The following ADAMTS16 variants were observed in gnomAD, a reference collection of about 807,000 sequenced individuals.
ADAMTS16 encodes A disintegrin and metalloproteinase with thrombospondin motifs 16.
ADAMTS16 carries 94 observed loss-of-function variants against 145.8 expected under a neutral mutation model. The observed-to-expected ratio is 0.64, with a 90% CI of 0.55 to 0.77. ADAMTS16 has a LOEUF of 0.77. Ranked by LOEUF, ADAMTS16 falls within the 30% of genes least tolerant of loss-of-function variation. The pLI, the probability that ADAMTS16 is intolerant of heterozygous loss-of-function variation, is 0.00. For missense variants in ADAMTS16, 1,585 were observed against 1,591.5 expected (o/e 1.00, Z 0.07); for synonymous variants, 659 against 604.3 (o/e 1.09, Z -1.33).
intron 3 of ADAMTS16, among the ~76,000 whole-genome samples, chr5:5,149,979 ATGC>A (rs1376072351): frequency 6.6e-6 from 1 of 152,206 alleles, no homozygotes; most frequent in African/African-American, 2.4e-5. Flanking sequence ...ACTGCGAATA[ATGC>A]TGCTATGAAC....
chr5:5,146,416 C>T lies in ADAMTS16; in HGVS notation c.462C>T (p.His154=). The change falls in exon 3 of 23, where the codon CAC becomes CAT. Residue 154 remains histidine, a synonymous_variant. Coordinates refer to ENST00000274181, the MANE Select transcript of ADAMTS16 (RefSeq NM_139056.4). The part of the protein sequence containing the change: ...FCFYQGSLRS[H]RNSSVALSTC... ...TCTATCAAGGCTCTTTGCGATCACA[C>T]AGAAACTCCTCAGTGGCCCTTTCAA... The T allele has an allele frequency of 6.2e-7, 1 of 1,612,870 alleles. No individual in the cohort carries two copies. The highest frequency in any genetic ancestry group is 8.5e-7 in the Non-Finnish European group (1 of 1,179,974).
intron 11 of ADAMTS16, among the ~76,000 whole-genome samples, chr5:5,230,625 A>T (rs1235297245): frequency 1.3e-5 from 2 of 152,214 alleles, no homozygotes; most frequent in Non-Finnish European, 2.9e-5. Context: ...CTACTTGTGT[A>T]TATCTTTAAA....
chr5:5,239,381 GC>G, intron 15 of ADAMTS16, 107 bp downstream of exon 15: 3 of 1,449,164 alleles, frequency 2.1e-6, no homozygotes, highest in Non-Finnish European at 2.8e-6. Flanking sequence ...TCCTTCCGCT[GC>G]CTCGCTTCCT....
At chr5:5,180,307 C>G (rs1735306792) in intron 3 of ADAMTS16, among the ~76,000 whole-genome samples, 1 of 152,088 alleles carries the variant, frequency 6.6e-6, no homozygotes, top group Non-Finnish European at 1.5e-5. Context: ...TTGCAGAGCT[C>G]TAAATGATAC....
intron 17 of ADAMTS16, among the ~76,000 whole-genome samples, chr5:5,261,661 T>C (rs1206065830): frequency 1.3e-5 from 2 of 152,134 alleles, no homozygotes; most frequent in Non-Finnish European, 2.9e-5. Flanking sequence ...AATTTTTGTA[T>C]TTTTAGTAGA....
chr5:5,263,572 C>A (rs1179900592), intron 18 of ADAMTS16, among the ~76,000 whole-genome samples: 1 of 152,226 alleles, frequency 6.6e-6, no homozygotes, highest in Non-Finnish European at 1.5e-5. Context: ...CAAGTGAGTA[C>A]AGGATCCAGC....
At chr5:5,254,398 A>AT (rs942413452) in intron 17 of ADAMTS16, among the ~76,000 whole-genome samples, 4 of 151,942 alleles carry the variant, frequency 2.6e-5, no homozygotes, top group Non-Finnish European at 4.4e-5. Flanking sequence ...ACTTATAATA[A>AT]TTTTTTTTAT....
At chr5:5,225,025 A>G (rs77776986) in intron 11 of ADAMTS16, among the ~76,000 whole-genome samples, 25,763 of 145,536 alleles carry the variant, frequency 0.18, 2,676 homozygotes, top group East Asian at 0.49. Flanking sequence ...CCTTTGTACC[A>G]AAAAAAAACA....
chr5:5,156,767 A>C (rs2126520357), intron 3 of ADAMTS16, among the ~76,000 whole-genome samples: 1 of 152,294 alleles, frequency 6.6e-6, no homozygotes, highest in Non-Finnish European at 1.5e-5. Context: ...TTTCAGTCTA[A>C]GTTTGGCTAC....
chr5:5,254,187 A>G (rs898230249), intron 17 of ADAMTS16, among the ~76,000 whole-genome samples: 2 of 152,026 alleles, frequency 1.3e-5, no homozygotes, highest in Non-Finnish European at 2.9e-5. Context: ...CTGATCATTC[A>G]TCTTGCTCTC....
intron 21 of ADAMTS16, among the ~76,000 whole-genome samples, chr5:5,307,388 G>A (rs560993032): frequency 6.6e-6 from 1 of 152,184 alleles, no homozygotes; most frequent in African/African-American, 2.4e-5. Flanking sequence ...CCATCTCTTG[G>A]CTGGGAGAGT....
At chr5:5,176,385 C>G (rs1304697185) in intron 3 of ADAMTS16, among the ~76,000 whole-genome samples, 2 of 152,206 alleles carry the variant, frequency 1.3e-5, no homozygotes, top group African/African-American at 4.8e-5. Flanking sequence ...GAGGAAGTCA[C>G]AAATATTATC....
intron 3 of ADAMTS16, among the ~76,000 whole-genome samples, chr5:5,163,894 G>T (rs1021547024): frequency 3.3e-5 from 5 of 152,208 alleles, no homozygotes; most frequent in Non-Finnish European, 7.3e-5. Flanking sequence ...GCAGGGCTGA[G>T]GAGAAAAACA....
intron 21 of ADAMTS16, among the ~76,000 whole-genome samples, chr5:5,312,012 C>T (rs561656332): frequency 2.8e-4 from 42 of 152,162 alleles, no homozygotes; most frequent in Non-Finnish European, 4.6e-4. Flanking sequence ...CCACTGCACT[C>T]GGCCATCGGT....
Position 5,165,300 on chromosome 5 carries a change from G to A in ADAMTS16, c.502-16744G>A, listed in dbSNP as rs577894767. Among the ~76,000 whole-genome samples the A allele has an allele frequency of 1.3e-4, 20 of 152,168 alleles. No individual in the cohort carries two copies. The South Asian group carries it at 2.1e-3, about 16-fold the overall frequency. On this transcript the variant is annotated intron_variant, in intron 3 of 22. Coordinates refer to ENST00000274181, the MANE Select transcript of ADAMTS16 (RefSeq NM_139056.4). ...ACTTCCCTCCTTTCCATTGCTCAGC[G>A]GCGCCCCATCGTATCCCACTGTGTT...
chr5:5,166,470 G>C (rs974830391), intron 3 of ADAMTS16, among the ~76,000 whole-genome samples: 1 of 152,182 alleles, frequency 6.6e-6, no homozygotes, highest in Non-Finnish European at 1.5e-5. Context: ...TGAGCTCCCA[G>C]AGAGCCTGGG....
chr5:5,250,707 C>CTGTGTGTGTGTGTGTGTGTG (rs763835441), intron 17 of ADAMTS16, among the ~76,000 whole-genome samples: 112 of 148,674 alleles, frequency 7.5e-4, no homozygotes, highest in East Asian at 7.3e-3. Context: ...TGTCTCTTCT[C>CTGTGTGTGTGTGTGTGTGTG]TCTGTGTGTG....
At chr5:5,163,863 G>A (rs1401533291) in intron 3 of ADAMTS16, among the ~76,000 whole-genome samples, 1 of 152,188 alleles carries the variant, frequency 6.6e-6, no homozygotes, top group African/African-American at 2.4e-5. Flanking sequence ...TCCTGCAGAG[G>A]CCATGTCCTG....
chr5:5,192,837 T>TAAATAAA (rs2126579408), intron 8 of ADAMTS16, among the ~76,000 whole-genome samples: 1 of 152,324 alleles, frequency 6.6e-6, no homozygotes, highest in East Asian at 1.9e-4. Context: ...TATCGTCTGT[T>TAAATAAA]AAATAAAAAA....
Sources: allele counts gnomAD v4.1 joint callset (sites outside exome capture counted in the v4.1 genomes callset), GRCh38; gene constraint gnomAD v4.1.1; transcripts MANE v1.5; gene names NCBI Gene and HGNC (gene_info 2026-07-23, HGNC 2026-07-21).